Variants in GUCY1A2 observed in about 807,000 individuals in gnomAD.
GUCY1A2 encodes the protein guanylate cyclase soluble subunit alpha-2.
GUCY1A2 carries 27 observed loss-of-function variants against 63.5 expected under a neutral mutation model. That is an observed-to-expected ratio of 0.43 (90% CI 0.31 to 0.59). The LOEUF (loss-of-function observed/expected upper bound fraction) is 0.59, where lower values mean the gene tolerates loss of function less well. Among genes scored for constraint, GUCY1A2 ranks in the 20% least tolerant of loss-of-function variants. The probability of loss-of-function intolerance (pLI) is 0.11; values close to 1 mark genes in which losing one functional copy is unlikely to be tolerated. For missense variants in GUCY1A2, 768 were observed against 913.3 expected (o/e 0.84, Z 2.05); for synonymous variants, 364 against 343.5 (o/e 1.06, Z -0.66).
intron 3 of GUCY1A2, among the ~76,000 whole-genome samples, chr11:106,947,069 T>C (rs1165968353): frequency 2.0e-5 from 3 of 151,726 alleles, no homozygotes; most frequent in Non-Finnish European, 4.4e-5. Context: ...ATACAAAAAT[T>C]AGCTGGGCGC....
chr11:106,773,304 G>T (rs137920706), intron 6 of GUCY1A2, among the ~76,000 whole-genome samples: 97 of 151,786 alleles, frequency 6.4e-4, no homozygotes, highest in African/African-American at 2.2e-3. Flanking sequence ...TTAATGACTT[G>T]ATTCTTTTGT....
At chr11:106,914,784 A>G (rs528473982) in intron 4 of GUCY1A2, among the ~76,000 whole-genome samples, 1 of 152,202 alleles carries the variant, frequency 6.6e-6, no homozygotes, top group African/African-American at 2.4e-5. Flanking sequence ...AGTATAAAGT[A>G]TTTTGAAAGA....
intron 4 of GUCY1A2, among the ~76,000 whole-genome samples, chr11:106,900,224 C>A (rs766944284): frequency 6.6e-6 from 1 of 152,090 alleles, no homozygotes; most frequent in African/African-American, 2.4e-5. Flanking sequence ...TTCTCTATCA[C>A]CCAGGCTGGA....
Position 106,782,759 on chromosome 11 carries a change from CACAA to C in GUCY1A2, c.1693-6181_1693-6178del, listed in dbSNP as rs1280921787. Among the ~76,000 whole-genome samples the C allele has an allele frequency of 2.3e-5, 3 of 131,682 alleles. No homozygotes were observed. In the East Asian group the frequency reaches 5.9e-4, roughly 26 times the overall value. The allele number at this position is 131,682 out of a possible 152,430, so 86.4% of individuals were successfully genotyped here. A position where few individuals can be genotyped will look rare whatever the true frequency, so the allele number is the denominator to read the frequency against. On this transcript the variant is annotated intron_variant, in intron 5 of 7. Coordinates refer to ENST00000526355, the MANE Select transcript of GUCY1A2 (RefSeq NM_000855.3). ...AATATCCAAAAGGTTGGCCAGGAAA[CACAA>C]ACACACACACACAAAACCATAGCCC...
At chr11:106,976,667 T>A (rs528867618) in intron 3 of GUCY1A2, among the ~76,000 whole-genome samples, 232 of 152,314 alleles carry the variant, frequency 1.5e-3, no homozygotes, top group Non-Finnish European at 3.1e-3. Context: ...TTTACAAGAT[T>A]GTGCTTTAAA....
At chr11:106,941,151 C>A (rs1362716343) in intron 3 of GUCY1A2, among the ~76,000 whole-genome samples, 2 of 152,162 alleles carry the variant, frequency 1.3e-5, no homozygotes, top group African/African-American at 4.8e-5. Flanking sequence ...AAAGTAAGGG[C>A]AGCCAAGCAT....
At chr11:106,705,541 A>G (rs1289728287) in intron 7 of GUCY1A2, among the ~76,000 whole-genome samples, 1 of 152,202 alleles carries the variant, frequency 6.6e-6, no homozygotes. Context: ...GTTCATGGAT[A>G]CATATGTAGA....
intron 4 of GUCY1A2, among the ~76,000 whole-genome samples, chr11:106,815,998 A>G (rs1386454761): frequency 6.6e-6 from 1 of 152,052 alleles, no homozygotes; most frequent in Non-Finnish European, 1.5e-5. Flanking sequence ...CTATGAAAGA[A>G]TAAATTTATG....
intron 6 of GUCY1A2, among the ~76,000 whole-genome samples, chr11:106,734,167 C>A (rs1335691039): frequency 6.6e-6 from 1 of 152,048 alleles, no homozygotes; most frequent in Non-Finnish European, 1.5e-5. Flanking sequence ...AGAAAAAACA[C>A]AGAGTTGACA....
intron 3 of GUCY1A2, among the ~76,000 whole-genome samples, chr11:106,944,290 C>G (rs1238920543): frequency 1.1e-5 from 1 of 89,326 alleles, no homozygotes; most frequent in African/African-American, 4.1e-5. Flanking sequence ...ACTAAAAATA[C>G]AAAAAAAGAG....
chr11:106,898,543 T>C (rs780701088), intron 4 of GUCY1A2, among the ~76,000 whole-genome samples: 1 of 152,054 alleles, frequency 6.6e-6, no homozygotes, highest in Non-Finnish European at 1.5e-5. Context: ...TATCAAGCCA[T>C]GAAAAGATAA....
At chr11:107,002,157 A>G (rs1190569592) in intron 1 of GUCY1A2, among the ~76,000 whole-genome samples, 1 of 152,196 alleles carries the variant, frequency 6.6e-6, no homozygotes, top group African/African-American at 2.4e-5. Flanking sequence ...AAGAGAGCCA[A>G]GAAGCTACAT....
rs1477769695 is a variant in GUCY1A2 at position 106,915,682 on chromosome 11, T to C, written c.1206+23778A>G. On this transcript the variant is annotated intron_variant, in intron 4 of 7. Transcript: ENST00000526355. ...ATTTCTAAGTTACTTACAGAGATCA[T>C]AGAAAAAGGGTGCTTCTTCGTTCAA... Among the ~76,000 whole-genome samples, 3 of 145,192 alleles carry C rather than the reference T, an allele frequency of 2.1e-5. 1 individual carries two copies. The highest frequency in any genetic ancestry group is 2.1e-4 in the East Asian group (1 of 4,746).
chr11:106,867,488 T>C (rs1859611226), intron 4 of GUCY1A2, among the ~76,000 whole-genome samples: 1 of 152,090 alleles, frequency 6.6e-6, no homozygotes, highest in South Asian at 2.1e-4. Flanking sequence ...AAGTTTTCAG[T>C]CTGTAGAGAA....
At chr11:106,715,081 T>C (rs199999175) in intron 6 of GUCY1A2, among the ~76,000 whole-genome samples, 1 of 152,330 alleles carries the variant, frequency 6.6e-6, no homozygotes, top group East Asian at 1.9e-4. Context: ...CAATCTTTTA[T>C]ATATTCAATG....
chr11:106,899,572 T>C (rs976601029), intron 4 of GUCY1A2, among the ~76,000 whole-genome samples: 1 of 152,220 alleles, frequency 6.6e-6, no homozygotes, highest in Non-Finnish European at 1.5e-5. Flanking sequence ...ACCTGTTGTT[T>C]AGTCTAACTT....
rs145926960 is a variant in GUCY1A2, at chr11:106,948,888, G to A, written c.488-8710C>T. On this transcript the variant is annotated intron_variant, in intron 3 of 7. Transcript: ENST00000526355. Reference sequence around the variant, plus strand: ...ATGCCTCAAACAAAATCAAATTCCAGATCAATTAAGATCGTACAATGCAAA... The same window carrying A: ...ATGCCTCAAACAAAATCAAATTCCAAATCAATTAAGATCGTACAATGCAAA... Among the ~76,000 whole-genome samples the A allele has an allele frequency of 5.8e-3, 880 of 152,120 alleles. 5 individuals carry two copies. The highest frequency in any genetic ancestry group is 0.021 in the Admixed American group (325 of 15,274).
intron 6 of GUCY1A2, among the ~76,000 whole-genome samples, chr11:106,767,651 A>G (rs1390134374): frequency 6.6e-6 from 1 of 152,148 alleles, no homozygotes; most frequent in Non-Finnish European, 1.5e-5. Context: ...TCACAGACAC[A>G]ATATTGTGTT....
intron 4 of GUCY1A2, among the ~76,000 whole-genome samples, chr11:106,919,687 AG>A (rs1860416335): frequency 6.6e-6 from 1 of 152,174 alleles, no homozygotes; most frequent in Non-Finnish European, 1.5e-5. Context: ...GAGGTAGAAG[AG>A]TATTTTAGGA....
Sources: gnomAD v4.1 joint callset for allele counts (sites outside exome capture counted in the v4.1 genomes callset) on GRCh38, gnomAD v4.1.1 for gene constraint, MANE v1.5 for transcripts, NCBI Gene and HGNC (gene_info 2026-07-23, HGNC 2026-07-21) for gene names.